The following ARHGAP15 variants were observed in gnomAD, a reference collection of about 807,000 sequenced individuals.
ARHGAP15 encodes the protein Rho GTPase activating protein 15.
A neutral mutation model predicts 63.7 loss-of-function variants in ARHGAP15; 51 were observed. The ratio of observed to expected loss-of-function variants is 0.80; its 90% CI spans 0.64 to 1.01. The LOEUF (loss-of-function observed/expected upper bound fraction) is 1.01, where lower values mean the gene tolerates loss of function less well. ARHGAP15 is among the 50% of genes least tolerant of loss of function. The pLI is 0.00. For synonymous variants in ARHGAP15, 191 were observed against 193.8 expected (o/e 0.99, Z 0.12); for missense variants, 560 against 564.6 (o/e 0.99, Z 0.08).
intron 6 of ARHGAP15, among the ~76,000 whole-genome samples, chr2:143,337,807 TG>T (rs1684873552): frequency 6.6e-6 from 1 of 152,214 alleles, no homozygotes; most frequent in Non-Finnish European, 1.5e-5. Flanking sequence ...GAAGGTAGAA[TG>T]CCATTGGCCT....
At chr2:143,142,592 A>G (rs539562390) in intron 1 of ARHGAP15, among the ~76,000 whole-genome samples, 1 of 152,124 alleles carries the variant, frequency 6.6e-6, no homozygotes, top group East Asian at 1.9e-4. Context: ...TTTGAATCGC[A>G]TGATGTAGGT....
At chr2:143,429,987 T>G (rs1471020468) in intron 6 of ARHGAP15, among the ~76,000 whole-genome samples, 2 of 152,082 alleles carry the variant, frequency 1.3e-5, no homozygotes, top group African/African-American at 4.8e-5. Context: ...CAGAAAAGTG[T>G]TTGTGTGTGC....
intron 13 of ARHGAP15, among the ~76,000 whole-genome samples, chr2:143,730,603 G>A (rs1226385632): frequency 1.3e-5 from 2 of 152,104 alleles, no homozygotes; most frequent in African/African-American, 2.4e-5. Context: ...CAGCAGTACA[G>A]CTAGAAATAG....
At chr2:143,716,590 C>T (rs1441585684) in intron 13 of ARHGAP15, among the ~76,000 whole-genome samples, 1 of 152,168 alleles carries the variant, frequency 6.6e-6, no homozygotes, top group Non-Finnish European at 1.5e-5. Flanking sequence ...AAAAAGCTTG[C>T]CCTCTGCTTT....
chr2:143,261,491 A>G (rs950764149), intron 6 of ARHGAP15, among the ~76,000 whole-genome samples: 2 of 147,734 alleles, frequency 1.4e-5, no homozygotes, highest in African/African-American at 5.0e-5. Flanking sequence ...GGAACCCACC[A>G]CCACACCCGG....
intron 5 of ARHGAP15, 121 bp downstream of exon 5, chr2:143,228,789 A>T: frequency 3.2e-6 from 2 of 619,894 alleles, no homozygotes; most frequent in Non-Finnish European, 5.2e-6. Flanking sequence ...AAACAGATGG[A>T]GAAAATGACT....
intron 13 of ARHGAP15, among the ~76,000 whole-genome samples, chr2:143,764,967 C>T (rs1412884708): frequency 6.6e-6 from 1 of 152,132 alleles, no homozygotes; most frequent in Admixed American, 6.6e-5. Flanking sequence ...TGGCCCATGA[C>T]CTCTGAGCCC....
chr2:143,222,896 A>G (rs1693053897), intron 4 of ARHGAP15, among the ~76,000 whole-genome samples: 1 of 152,070 alleles, frequency 6.6e-6, no homozygotes, highest in African/African-American at 2.4e-5. Flanking sequence ...CTACTTCCCA[A>G]TTGTAGTTAG....
At chr2:143,601,712 T>C (rs180679980) in intron 11 of ARHGAP15, 2 of 152,296 alleles carry the variant, frequency 1.3e-5, no homozygotes, top group Admixed American at 6.5e-5. Context: ...CTGCATTCTA[T>C]TAGGGGTGTC....
intron 11 of ARHGAP15, among the ~76,000 whole-genome samples, chr2:143,560,023 TG>T (rs1695958801): frequency 6.6e-6 from 1 of 152,230 alleles, no homozygotes; most frequent in South Asian, 2.1e-4. Flanking sequence ...AACTGATTTT[TG>T]AGATTTTCAA....
At chr2:143,527,076 T>G (rs1276348147) in intron 10 of ARHGAP15, among the ~76,000 whole-genome samples, 1 of 152,124 alleles carries the variant, frequency 6.6e-6, no homozygotes, top group African/African-American at 2.4e-5. Flanking sequence ...TTTGTGGATT[T>G]CCTAAAGCAT....
At chr2:143,392,173 G>C (rs1317186171) in intron 6 of ARHGAP15, among the ~76,000 whole-genome samples, 1 of 152,108 alleles carries the variant, frequency 6.6e-6, no homozygotes, top group Non-Finnish European at 1.5e-5. Context: ...TATACTTACA[G>C]TCCCTGTTAT....
At chr2:143,169,262 A>G (rs1035636794) in intron 2 of ARHGAP15, among the ~76,000 whole-genome samples, 1 of 152,088 alleles carries the variant, frequency 6.6e-6, no homozygotes, top group Admixed American at 6.6e-5. Flanking sequence ...AACTAGCTGA[A>G]GCTAAGTATC....
intron 13 of ARHGAP15, among the ~76,000 whole-genome samples, chr2:143,749,529 T>G (rs927379591): frequency 1.3e-5 from 2 of 152,300 alleles, no homozygotes; most frequent in Middle Eastern, 3.4e-3. Context: ...ACGTTTCATT[T>G]AGTACTTGCG....
chr2:143,228,777 G>A, intron 5 of ARHGAP15, 109 bp downstream of exon 5: 2 of 684,530 alleles, frequency 2.9e-6, no homozygotes, highest in Non-Finnish European at 4.6e-6. Flanking sequence ...ACCAACATCT[G>A]AAAACAGATG....
intron 6 of ARHGAP15, among the ~76,000 whole-genome samples, chr2:143,324,958 A>G (rs1684186849): frequency 6.6e-6 from 1 of 152,200 alleles, no homozygotes; most frequent in Non-Finnish European, 1.5e-5. Flanking sequence ...AATATTCAAA[A>G]TTAGATTCAT....
chr2:143,645,377 C>A (rs1200091714), intron 12 of ARHGAP15, among the ~76,000 whole-genome samples: 1 of 152,138 alleles, frequency 6.6e-6, no homozygotes, highest in African/African-American at 2.4e-5. Flanking sequence ...CATGTAGGGT[C>A]AGCAGGATCC....
chr2:143,430,307 T>A (rs1689330516), intron 6 of ARHGAP15, among the ~76,000 whole-genome samples: 1 of 152,076 alleles, frequency 6.6e-6, no homozygotes, highest in African/African-American at 2.4e-5. Flanking sequence ...GAAGACCTTT[T>A]ACATCTAACT....
chr2:143,241,828 G>C (rs559217497), intron 5 of ARHGAP15, among the ~76,000 whole-genome samples: 2 of 152,168 alleles, frequency 1.3e-5, no homozygotes, highest in African/African-American at 2.4e-5. Context: ...GGACAAGAGA[G>C]TGAAGTGAAA....
Sources: gnomAD v4.1 joint callset for allele counts (sites outside exome capture counted in the v4.1 genomes callset) on GRCh38, gnomAD v4.1.1 for gene constraint, MANE v1.5 for transcripts, NCBI Gene and HGNC (gene_info 2026-07-23, HGNC 2026-07-21) for gene names.